MITF: variants seen among roughly 807,000 people sequenced by gnomAD.
The protein encoded by MITF is melanocyte inducing transcription factor, also known as microphthalmia-associated transcription factor.
In MITF, 17 loss-of-function variants were observed where a neutral mutation model predicts 60.5. That is an observed-to-expected ratio of 0.28 (90% confidence interval 0.19 to 0.42). The LOEUF (loss-of-function observed/expected upper bound fraction) is 0.42. MITF is among the 10% of genes least tolerant of loss of function. The pLI, the probability that MITF is intolerant of heterozygous loss-of-function variation, is 1.00. For missense variants in MITF, 622 were observed against 683.5 expected, an observed-to-expected ratio of 0.91 and a Z score of 1.00; for synonymous variants, 260 against 248.5, an observed-to-expected ratio of 1.05 and a Z score of -0.43.
intron 1 of MITF, among the ~76,000 whole-genome samples, chr3:69,821,502 A>C (rs1000762817): frequency 6.6e-6 from 1 of 152,132 alleles, no homozygotes; most frequent in Non-Finnish European, 1.5e-5. Flanking sequence ...CTTCGATTCA[A>C]GTTGGCTTCT....
chr3:69,793,951 A>G (rs1428341511), intron 1 of MITF, among the ~76,000 whole-genome samples: 3 of 152,252 alleles, frequency 2.0e-5, no homozygotes, highest in African/African-American at 7.2e-5. Context: ...CAAATGAGGC[A>G]GGAATGCCAT....
chr3:69,912,127 G>T (rs1009492639), intron 2 of MITF, among the ~76,000 whole-genome samples: 1 of 152,198 alleles, frequency 6.6e-6, no homozygotes, highest in Non-Finnish European at 1.5e-5. Context: ...AGTGATAAAA[G>T]CAAGTTTGTT....
At chr3:69,810,840 C>T (rs1206006130) in intron 1 of MITF, among the ~76,000 whole-genome samples, 2 of 152,132 alleles carry the variant, frequency 1.3e-5, no homozygotes. Flanking sequence ...CTTCATGGAG[C>T]TTATATTTTA....
intron 2 of MITF, among the ~76,000 whole-genome samples, chr3:69,908,221 A>C (rs551521789): frequency 6.6e-6 from 1 of 152,314 alleles, no homozygotes; most frequent in East Asian, 1.9e-4. Flanking sequence ...ACATAGTGAG[A>C]AAACATTCCA....
intron 1 of MITF, among the ~76,000 whole-genome samples, chr3:69,837,055 C>A (rs191045945): frequency 1.3e-5 from 2 of 152,322 alleles, no homozygotes; most frequent in African/African-American, 4.8e-5. Flanking sequence ...CTTAGGGCTT[C>A]CAGATGTAGC....
intron 1 of MITF, among the ~76,000 whole-genome samples, chr3:69,821,416 C>T (rs1422102133): frequency 6.6e-6 from 1 of 152,040 alleles, no homozygotes; most frequent in Non-Finnish European, 1.5e-5. Flanking sequence ...GCCTGAAAAA[C>T]TAATGAGGTT....
chr3:69,892,802 T>A (rs2107322776), intron 2 of MITF, among the ~76,000 whole-genome samples: 1 of 152,294 alleles, frequency 6.6e-6, no homozygotes, highest in Admixed American at 6.5e-5. Flanking sequence ...ACATCAAAGG[T>A]CTTTCTACTG....
intron 1 of MITF, among the ~76,000 whole-genome samples, chr3:69,793,312 A>G (rs1257145099): frequency 6.6e-6 from 1 of 152,176 alleles, no homozygotes; most frequent in African/African-American, 2.4e-5. Context: ...CACTGCACCC[A>G]GCCAGATTTT....
intron 2 of MITF, among the ~76,000 whole-genome samples, chr3:69,924,590 G>A (rs1265888134): frequency 3.3e-5 from 5 of 152,172 alleles, no homozygotes; most frequent in African/African-American, 1.2e-4. Flanking sequence ...ACCCAGCTTC[G>A]AGAGTTATTG....
chr3:69,771,893 T>C (rs1014095909), intron 1 of MITF, among the ~76,000 whole-genome samples: 1 of 152,138 alleles, frequency 6.6e-6, no homozygotes, highest in African/African-American at 2.4e-5. Context: ...ATTGCTAAGA[T>C]TGGGAATGGA....
chr3:69,834,374 G>T (rs62252223), intron 1 of MITF, among the ~76,000 whole-genome samples: 47,233 of 151,916 alleles, frequency 0.31, 8,888 homozygotes, highest in Non-Finnish European at 0.42. Flanking sequence ...CTTTTATGAT[G>T]TCAGCTTGTT....
chr3:69,946,845 A>G (rs891754366), intron 5 of MITF, among the ~76,000 whole-genome samples: 6 of 152,128 alleles, frequency 3.9e-5, no homozygotes, highest in African/African-American at 1.4e-4. Flanking sequence ...TGCTAATCAC[A>G]GCAGTACTTT....
rs546913702 is a variant in MITF at position 69,903,453 on chromosome 3, T to G, written c.354+24070T>G. Among the ~76,000 whole-genome samples the G allele has an allele frequency of 2.6e-5, 4 of 152,294 alleles. No homozygotes were observed. The South Asian group carries it at 6.2e-4, about 24-fold the overall frequency. ...TGACTAACTATCTTGCAGATGGATG[T>G]TCTTGCTGTGGTGTAGGTAAGAGAG... On this transcript the variant is annotated intron_variant, in intron 2 of 9. Coordinates refer to ENST00000352241, the MANE Select transcript of MITF (RefSeq NM_001354604.2).
At position 69,755,650 on chromosome 3, in the gene MITF, G is replaced by A. The variant is rs181613784; in HGVS notation, c.104+15949G>A. Among the ~76,000 whole-genome samples, 98 of 151,800 alleles carry A rather than the reference G, an allele frequency of 6.5e-4. 1 individual carries two copies. The Middle Eastern group carries it at 0.01, about 16-fold the overall frequency. On this transcript the variant is annotated intron_variant, in intron 1 of 9. Coordinates refer to ENST00000352241, the MANE Select transcript of MITF (RefSeq NM_001354604.2). ...AGGGGAAAAAAAAAGCAGAAAGGGG[G>A]GTTAGTCCAAATAGTATCCATCTTT...
intron 1 of MITF, among the ~76,000 whole-genome samples, chr3:69,793,546 A>G (rs1017675324): frequency 6.6e-5 from 10 of 152,132 alleles, no homozygotes; most frequent in African/African-American, 1.9e-4. Flanking sequence ...CCCTCTCCCA[A>G]TGCTCAAGTT....
At chr3:69,866,398 G>GA in intron 1 of MITF, 1 of 1,606,106 alleles carries the variant, frequency 6.2e-7, no homozygotes, top group Non-Finnish European at 8.5e-7. Flanking sequence ...AAGAGGAGCA[G>GA]TTTTTTTTCT....
rs191014408 is a variant in MITF, at chr3:69,775,130, G to A, written c.104+35429G>A. Among the ~76,000 whole-genome samples, 143 of 151,996 alleles carry A rather than the reference G, an allele frequency of 9.4e-4. 3 individuals carry two copies. Among genetic ancestry groups the A allele is most frequent in the East Asian group, 3.5e-3 (18 of 5,158 alleles). ...TAGGTTACCATGCTTTTCTTTTATG[G>A]TTTCCTAATCTTATCCTTCATGCTG... On this transcript the variant is annotated intron_variant, in intron 1 of 9. Transcript: ENST00000352241.
At chr3:69,749,691 CGAATAAAGGTTTGTCCAT>C (rs1423183116) in intron 1 of MITF, among the ~76,000 whole-genome samples, 1 of 152,080 alleles carries the variant, frequency 6.6e-6, no homozygotes, top group Non-Finnish European at 1.5e-5. Flanking sequence ...GGTCACATTC[CGAATAAAGGTTTGTCCAT>C]TTGCTGCAAA....
chr3:69,948,435 A>C, intron 5 of MITF, among the ~76,000 whole-genome samples: 1 of 151,788 alleles, frequency 6.6e-6, no homozygotes, highest in African/African-American at 2.4e-5. Context: ...TTGAAAGTGT[A>C]AATTTTTGCT....
Sources: allele counts gnomAD v4.1 joint callset (sites outside exome capture counted in the v4.1 genomes callset), GRCh38; gene constraint gnomAD v4.1.1; transcripts MANE v1.5; gene names NCBI Gene and HGNC (gene_info 2026-07-23, HGNC 2026-07-21).